Variants in PHTF1 observed in about 807,000 individuals in gnomAD.
PHTF1 encodes putative homeodomain transcription factor 1, also known as protein PHTF1.
Under a neutral mutation model 102.4 loss-of-function variants are expected in PHTF1, and 88 were observed. That is an observed-to-expected ratio of 0.86 (90% CI 0.72 to 1.03). PHTF1 has a LOEUF of 1.03. PHTF1 is among the 50% of genes least tolerant of loss of function. The pLI is 0.00. For missense variants in PHTF1, 814 were observed against 909.5 expected, an observed-to-expected ratio of 0.89 and a Z score of 1.35; for synonymous variants, 289 against 305.2, an observed-to-expected ratio of 0.95 and a Z score of 0.55.
intron 3 of PHTF1, among the ~76,000 whole-genome samples, chr1:113,744,233 C>A (rs1656858750): frequency 6.6e-6 from 1 of 152,174 alleles, no homozygotes; most frequent in African/African-American, 2.4e-5. Context: ...CATAACTGTG[C>A]AACATCATCA....
chr1:113,729,719 G>A (rs956582796), intron 5 of PHTF1, among the ~76,000 whole-genome samples: 1 of 152,130 alleles, frequency 6.6e-6, no homozygotes, highest in African/African-American at 2.4e-5. Flanking sequence ...ATGGCTGCTG[G>A]TCACACCAAA....
In PHTF1 at chr1:113,750,965, A is replaced by G. The variant is rs377372461; in HGVS notation, c.102+6734T>C. On this transcript the variant is annotated intron_variant, in intron 3 of 18. Coordinates refer to ENST00000369604, the MANE Select transcript of PHTF1 (RefSeq NM_001323043.2). ...ACATTAGATTTAATATATTCTCTCA[A>G]TTAAAAAATTTTAGGGCTGGGTGTG... 2.0e-4 allele frequency among the ~76,000 whole-genome samples: 30 copies of G among 152,214 alleles called. No homozygotes were observed. The East Asian group carries it at 4.6e-3, about 24-fold the overall frequency.
At chr1:113,758,262 T>G in intron 2 of PHTF1, among the ~76,000 whole-genome samples, 1 of 144,722 alleles carries the variant, frequency 6.9e-6, no homozygotes, top group African/African-American at 2.5e-5. Context: ...AAAATCCACT[T>G]CTTAAGGAAA....
At chr1:113,700,304 A>G (rs550127675) in intron 16 of PHTF1, 1 of 404,932 alleles carries the variant, frequency 2.5e-6, no homozygotes, top group African/African-American at 2.2e-5. Context: ...TTATGGAAAA[A>G]CTTGAAATTA....
chr1:113,729,336 T>C (rs765448792), intron 5 of PHTF1, among the ~76,000 whole-genome samples: 1 of 152,148 alleles, frequency 6.6e-6, no homozygotes, highest in Non-Finnish European at 1.5e-5. Flanking sequence ...TACCTAGTAT[T>C]TGATAGCACA....
At position 113,731,102 on chromosome 1, in the gene PHTF1, A is replaced by G. The variant is rs77225753; in HGVS notation, c.332-4528T>C. 6.4e-3 allele frequency among the ~76,000 whole-genome samples: 969 copies of G among 152,248 alleles called. 7 individuals carry two copies. Among genetic ancestry groups the G allele is most frequent in the Non-Finnish European group, 0.01 (714 of 68,002 alleles). ...AAACAGTGGGTAATGGTTGTATTCC[A>G]GTATCAGTATACTTAATGCCACTGA... On this transcript the variant is annotated intron_variant, in intron 5 of 18. Transcript: ENST00000369604.
intron 3 of PHTF1, among the ~76,000 whole-genome samples, chr1:113,751,653 C>T (rs1481205983): frequency 1.3e-5 from 2 of 152,178 alleles, no homozygotes; most frequent in Non-Finnish European, 2.9e-5. Context: ...AAGAATAGTG[C>T]TGCTATGAAC....
chr1:113,724,683 T>G (rs1653541537), intron 7 of PHTF1, 76 bp downstream of exon 7: 1 of 1,158,418 alleles, frequency 8.6e-7, no homozygotes, highest in Non-Finnish European at 1.2e-6. Flanking sequence ...CTATACTACT[T>G]ACTCCTATGG....
chr1:113,716,384 G>A (rs1014319122), intron 7 of PHTF1, among the ~76,000 whole-genome samples: 3 of 107,692 alleles, frequency 2.8e-5, no homozygotes, highest in Non-Finnish European at 5.2e-5. Context: ...GATCTCAGTT[G>A]CCCAGGCTGG....
intron 7 of PHTF1, among the ~76,000 whole-genome samples, chr1:113,721,154 C>A (rs528711057): frequency 6.6e-6 from 1 of 152,204 alleles, no homozygotes; most frequent in Admixed American, 6.5e-5. Context: ...GATCATTCAT[C>A]ACGACCAAGT....
chr1:113,704,571 C>CA (rs1261311556), intron 14 of PHTF1, 95 bp downstream of exon 14: 1 of 845,334 alleles, frequency 1.2e-6, no homozygotes, highest in African/African-American at 1.7e-5. Flanking sequence ...ATCTGCCTGA[C>CA]ACCCAGAACT....
intron 3 of PHTF1, among the ~76,000 whole-genome samples, chr1:113,753,723 CTTTTT>C (rs879322976): frequency 2.8e-5 from 4 of 143,314 alleles, no homozygotes; most frequent in African/African-American, 1.0e-4. Context: ...CGTGCCCAGC[CTTTTT>C]TTTTTTTTTA....
chr1:113,713,555 A>G (rs1330599510), intron 7 of PHTF1, 117 bp from the exon 8 acceptor site: 8 of 646,088 alleles, frequency 1.2e-5, no homozygotes, highest in East Asian at 1.1e-4. Context: ...TGCAGGAATC[A>G]TATTTTTCAG....
rs758657427 is a variant in PHTF1, at chr1:113,724,846, T to G, written c.536A>C (p.Asn179Thr). Residue 179 changes from asparagine (N) to threonine (T), a missense_variant, in exon 7 of 19, where the codon AAT (asparagine) becomes ACT (threonine). Asn to Thr is a moderately conservative substitution (Grantham distance 65). Transcript: ENST00000369604. ...TCCTCTGACTTTATCAGAGGAGTTATTTCCATTTTCTCGGCTCCCATCACC... is the reference window on the plus strand; with the variant it reads ...TCCTCTGACTTTATCAGAGGAGTTAGTTCCATTTTCTCGGCTCCCATCACC... ...VNGDGSRENG[N>T]NSSDKVRGIE... 2.5e-6 allele frequency: 4 copies of G among 1,610,046 alleles called. No homozygotes were observed. In the South Asian group the frequency reaches 4.4e-5, roughly 18 times the overall value.
chr1:113,705,031 G>A (rs896442033), intron 13 of PHTF1, among the ~76,000 whole-genome samples: 2 of 152,168 alleles, frequency 1.3e-5, no homozygotes, highest in African/African-American at 2.4e-5. Flanking sequence ...CATTTGCAAG[G>A]AATATTCTTT....
chr1:113,743,031 C>T (rs879792530), intron 3 of PHTF1, among the ~76,000 whole-genome samples: 1 of 152,074 alleles, frequency 6.6e-6, no homozygotes, highest in Admixed American at 6.6e-5. Context: ...CCAGGCTGGT[C>T]TCAAACTCCT....
In PHTF1 at chr1:113,697,345, G is replaced by C; in HGVS notation, c.*360C>G. On this transcript the variant is annotated 3_prime_UTR_variant, in exon 19 of 19. Transcript: ENST00000369604. ...TGCATATTTCCAATAAAAGATATTT[G>C]CTTCATGCTTTGGGCATCTATCATA... The C allele has an allele frequency of 5.5e-6, 1 of 180,564 alleles. No homozygotes were observed. Among genetic ancestry groups the C allele is most frequent in the Non-Finnish European group, 1.2e-5 (1 of 86,606 alleles). 11.2% of individuals were successfully genotyped at this position (180,564 alleles called of 1,614,324 possible).
At position 113,759,122 on chromosome 1, in the gene PHTF1, C is replaced by A. The variant is rs1004192905; in HGVS notation, c.-130G>T. The A allele has an allele frequency of 2.8e-5, 27 of 980,738 alleles. No individual in the cohort carries two copies. Among genetic ancestry groups the A allele is most frequent in the African/African-American group, 2.1e-4 (12 of 57,188 alleles). 60.8% of individuals were successfully genotyped at this position (980,738 alleles called of 1,614,324 possible). ...GGGCGAGGCGGCGGGCCAGGCAGGC[C>A]GCATCTTCCCCTCCAGGCGGAGACG... On this transcript the variant is annotated 5_prime_UTR_variant, in exon 1 of 19. Coordinates refer to ENST00000369604, the MANE Select transcript of PHTF1 (RefSeq NM_001323043.2).
intron 17 of PHTF1, 91 bp from the exon 18 acceptor site, chr1:113,698,478 G>T: frequency 9.2e-7 from 1 of 1,092,198 alleles, no homozygotes; most frequent in South Asian, 1.3e-5. Flanking sequence ...GGGTATAGAT[G>T]AATGCTTAAG....
Sources: gnomAD v4.1 joint callset for allele counts (sites outside exome capture counted in the v4.1 genomes callset) on GRCh38, gnomAD v4.1.1 for gene constraint, MANE v1.5 for transcripts, NCBI Gene and HGNC (gene_info 2026-07-23, HGNC 2026-07-21) for gene names.